Variants in ZNF319 observed in about 807,000 individuals in gnomAD.
ZNF319 encodes the protein zinc finger protein 319.
In ZNF319, 15 loss-of-function variants were observed where a neutral mutation model predicts 46.0. The ratio of observed to expected loss-of-function variants is 0.33; its 90% CI spans 0.22 to 0.50. ZNF319 has a LOEUF of 0.50. Among genes scored for constraint, ZNF319 ranks in the 20% least tolerant of loss-of-function variants. ZNF319 has a pLI of 0.98. For synonymous variants in ZNF319, 368 were observed against 364.0 expected, an observed-to-expected ratio of 1.01 and a Z score of -0.13; for missense variants, 635 against 807.0, an observed-to-expected ratio of 0.79 and a Z score of 2.58.
Position 57,996,808 on chromosome 16 carries a change from G to A in ZNF319, c.1458C>T (p.Leu486=). The A allele has an allele frequency of 6.2e-6, 10 of 1,610,314 alleles. No homozygotes were observed. The highest frequency in any genetic ancestry group is 1.3e-5 in the African/African-American group (1 of 75,042). Residue 486 remains leucine (L), a synonymous_variant, in exon 2 of 2, where the codon CTC becomes CTT. Coordinates refer to ENST00000299237, the MANE Select transcript of ZNF319 (RefSeq NM_020807.3). ...HRCDPAREKP[L]KCPDCEKRFK... is the part of the protein sequence containing the mutation. ...AGCGTTTCTCGCAGTCTGGGCACTTGAGTGGCTTCTCGCGGGCCGGATCGC... is the reference window on the plus strand; with the variant it reads ...AGCGTTTCTCGCAGTCTGGGCACTTAAGTGGCTTCTCGCGGGCCGGATCGC...
At chr16:57,999,110 G>C (rs756832682) in intron 1 of ZNF319, among the ~76,000 whole-genome samples, 12 of 152,116 alleles carry the variant, frequency 7.9e-5, no homozygotes, top group Non-Finnish European at 1.3e-4. Context: ...CTCTCTCCGC[G>C]TGACAGGATG....
chr16:57,997,108 CAG>C lies in ZNF319; in HGVS notation c.1156_1157del (p.Leu386AlafsTer23). 1 of 1,614,122 alleles carries C rather than the reference CAG, an allele frequency of 6.2e-7. No individual in the cohort carries two copies. The highest frequency in any genetic ancestry group is 8.5e-7 in the Non-Finnish European group (1 of 1,179,994). Reference sequence around the variant, plus strand: ...GGGTGTGCACGTGCTGGTGGTAGAGCAGGTGGCTGGGCTGCCCAAAGCCCTTC... The same window carrying C: ...GGGTGTGCACGTGCTGGTGGTAGAGCGTGGCTGGGCTGCCCAAAGCCCTTC... ...CEKGFGQPSH[L>X]LYHQHVHTLE... On this transcript the variant is annotated frameshift_variant, in exon 2 of 2. Transcript: ENST00000299237. LOFTEE classifies it high-confidence loss of function.
chr16:57,997,715 G>A lies in ZNF319; in HGVS notation c.551C>T (p.Pro184Leu). ...EPATTAAPSL[P>L]AAPAPSTVTP... ...GACAGTGGAAGGCGCGGGTGCTGCGGGAAGCGACGGGGCGGCTGTGGTGGC... is the reference window on the plus strand; with the variant it reads ...GACAGTGGAAGGCGCGGGTGCTGCGAGAAGCGACGGGGCGGCTGTGGTGGC... The change falls in exon 2 of 2, where the codon CCC becomes CTC. Residue 184 changes from proline to leucine, a missense_variant. By Grantham distance (98) the Pro-to-Leu change is moderately conservative (BLOSUM62 -3). Around this residue, in one of 3 missense-constraint regions of ZNF319, gnomAD observed 227 missense variants for 277.5 expected, o/e 0.82. Transcript: ENST00000299237. The A allele has an allele frequency of 6.2e-7, 1 of 1,613,728 alleles. No individual in the cohort carries two copies. The highest frequency in any genetic ancestry group is 8.5e-7 in the Non-Finnish European group (1 of 1,180,038).
At chr16:57,998,614 T>G in intron 1 of ZNF319, 92 bp from the exon 2 acceptor site, 1 of 228,280 alleles carries the variant, frequency 4.4e-6, no homozygotes, top group East Asian at 9.7e-5. Flanking sequence ...CACCACACCA[T>G]CACAAACCAC....
chr16:57,996,341 C>T lies in ZNF319; in HGVS notation c.*176G>A, dbSNP rs1963012640. ...GCACTGCCCGCTGGTGCCAGGAGTACGAGCGGCACACCCTCTCCCTGCCTC... is the reference window on the plus strand; with the variant it reads ...GCACTGCCCGCTGGTGCCAGGAGTATGAGCGGCACACCCTCTCCCTGCCTC... On this transcript the variant is annotated 3_prime_UTR_variant, in exon 2 of 2. Transcript: ENST00000299237. 1 of 1,314,654 alleles carries T rather than the reference C, an allele frequency of 7.6e-7. No homozygotes were observed. Among genetic ancestry groups the T allele is most frequent in the Non-Finnish European group, 1.0e-6 (1 of 1,001,842 alleles). The allele number at this position is 1,314,654 out of a possible 1,614,324, so 81.4% of individuals were successfully genotyped here.
In ZNF319 at chr16:57,998,224, C is replaced by A; in HGVS notation, c.42G>T (p.Gln14His). 1 of 1,531,642 alleles carries A rather than the reference C, an allele frequency of 6.5e-7. No homozygotes were observed. Among genetic ancestry groups the A allele is most frequent in the Non-Finnish European group, 8.8e-7 (1 of 1,139,144 alleles). 94.9% of individuals were successfully genotyped at this position (1,531,642 alleles called of 1,614,324 possible). Residue 14 changes from glutamine (Q) to histidine (H), a missense_variant, in exon 2 of 2, where the codon CAG (glutamine) becomes CAT (histidine). Physicochemically the swap from Gln to His is conservative, Grantham distance 24 (BLOSUM62 0). Coordinates refer to ENST00000299237, the MANE Select transcript of ZNF319 (RefSeq NM_020807.3). ...GCTGAGGCTGCGGTGGCTGTGGCTG[C>A]TGCGGCTGCGTCTGTGGCGGCTGTT... ...SWQQPPQTQP[Q>H]QPQPPQPQHH...
Position 57,997,732 on chromosome 16 carries a change from T to C in ZNF319, c.534A>G (p.Thr178=). ...KPAEAAEPAT[T]AAPSLPAAPA... ...GTGCTGCGGGAAGCGACGGGGCGGC[T>C]GTGGTGGCTGGCTCCGCTGCCTCAG... Residue 178 remains threonine (T), a synonymous_variant, in exon 2 of 2, where the codon ACA becomes ACG. Transcript: ENST00000299237. 6.2e-7 allele frequency: 1 copy of C among 1,613,570 alleles called. No homozygotes were observed. The highest frequency in any genetic ancestry group is 8.5e-7 in the Non-Finnish European group (1 of 1,180,040).
At position 57,999,239 on chromosome 16, in the gene ZNF319, T is replaced by TCACACACACACA. The variant is rs60708700; in HGVS notation, c.-258+242_-258+253dup. Among the ~76,000 whole-genome samples, 1,181 of 145,742 alleles carry TCACACACACACA rather than the reference T, an allele frequency of 8.1e-3. 20 individuals are homozygous for TCACACACACACA. Among genetic ancestry groups the TCACACACACACA allele is most frequent in the South Asian group, 0.057 (255 of 4,466 alleles). On this transcript the variant is annotated intron_variant, in intron 1 of 1. Coordinates refer to ENST00000299237, the MANE Select transcript of ZNF319 (RefSeq NM_020807.3). ...CCTCACTCTGGTTCTCTCCCAGAAC[T>TCACACACACACA]CACACACACACACACACACACACAC...
In ZNF319 at chr16:57,996,404, C is replaced by T. The variant is rs1963013795; in HGVS notation, c.*113G>A. The stretch of plus-strand genomic sequence containing the variant: ...CCTCACTCCCGAGGTCTCAGAACAC[C>T]GAGCTGGGTGGGGCCCTTGGTGCAA... On this transcript the variant is annotated 3_prime_UTR_variant, in exon 2 of 2. Transcript: ENST00000299237. 7.0e-7 allele frequency: 1 copy of T among 1,431,222 alleles called. No homozygotes were observed. Among genetic ancestry groups the T allele is most frequent in the Non-Finnish European group, 9.1e-7 (1 of 1,096,864 alleles). 88.7% of individuals were successfully genotyped at this position (1,431,222 alleles called of 1,614,324 possible). A position where few individuals can be genotyped will look rare whatever the true frequency, so the allele number is the denominator to read the frequency against.
At position 57,998,046 on chromosome 16, in the gene ZNF319, G is replaced by C. The variant is rs377717087; in HGVS notation, c.220C>G (p.Pro74Ala). 24 of 1,610,586 alleles carry C rather than the reference G, an allele frequency of 1.5e-5. No homozygotes were observed. The highest frequency in any genetic ancestry group is 2.0e-5 in the Non-Finnish European group (24 of 1,180,012). Residue 74 changes from proline (P) to alanine (A), a missense_variant, in exon 2 of 2, where the codon CCA becomes GCA. Pro to Ala is a conservative substitution (Grantham distance 27). Transcript: ENST00000299237. Reference sequence around the variant, plus strand: ...CCACACACGCCACATTTGGGGCCTGGCTCTCCTGCTGCCTGCAGGGGTGCG... The same window carrying C: ...CCACACACGCCACATTTGGGGCCTGCCTCTCCTGCTGCCTGCAGGGGTGCG... ...QHAPLQAAGE[P>A]GPKCGVCGHD...
In ZNF319 at chr16:57,997,319, C is replaced by T. The variant is rs770322324; in HGVS notation, c.947G>A (p.Arg316His). ...PCTPSGERPF[R>H]CGECQKAFKR... ...GAAGGCCTTCTGGCACTCGCCGCAG[C>T]GGAAGGGCCGCTCCCCACTTGGCGT... is the stretch of plus-strand genomic sequence containing the variant. Residue 316 changes from arginine (R) to histidine (H), a missense_variant, in exon 2 of 2, where the codon CGC becomes CAC. Physicochemically the swap from Arg to His is conservative, Grantham distance 29. Coordinates refer to ENST00000299237, the MANE Select transcript of ZNF319 (RefSeq NM_020807.3). The T allele has an allele frequency of 7.5e-6, 12 of 1,610,428 alleles. No homozygotes were observed. The highest frequency in any genetic ancestry group is 1.0e-5 in the Non-Finnish European group (12 of 1,179,694).
In ZNF319 at chr16:57,998,325, C is replaced by G. The variant is rs751180693; in HGVS notation, c.-60G>C. On this transcript the variant is annotated 5_prime_UTR_variant, in exon 2 of 2. Coordinates refer to ENST00000299237, the MANE Select transcript of ZNF319 (RefSeq NM_020807.3). ...GGCTTCAGTTTCCCGCTTCACGTGA[C>G]CCAATCCAGAGAGAGAAGCTGCCCA... is the stretch of plus-strand genomic sequence containing the variant. 5 of 1,510,172 alleles carry G rather than the reference C, an allele frequency of 3.3e-6. No individual in the cohort carries two copies. Among genetic ancestry groups the G allele is most frequent in the Non-Finnish European group, 4.4e-6 (5 of 1,128,758 alleles). 93.5% of individuals were successfully genotyped at this position (1,510,172 alleles called of 1,614,324 possible). A position where few individuals can be genotyped will look rare whatever the true frequency, so the allele number is the denominator to read the frequency against.
chr16:57,996,473 C>A lies in ZNF319; in HGVS notation c.*44G>T. 1 of 1,462,308 alleles carries A rather than the reference C, an allele frequency of 6.8e-7. No homozygotes were observed. The highest frequency in any genetic ancestry group is 1.4e-5 in the African/African-American group (1 of 70,768). The allele number at this position is 1,462,308 out of a possible 1,614,324, so 90.6% of individuals were successfully genotyped here. A position where few individuals can be genotyped will look rare whatever the true frequency, so the allele number is the denominator to read the frequency against. The stretch of plus-strand genomic sequence containing the variant: ...GGCTGCGCGAGGCCTGCTGGGCCCA[C>A]GGCGCCGACTCAGGTCAGGCTGGTA... On this transcript the variant is annotated 3_prime_UTR_variant, in exon 2 of 2. Transcript: ENST00000299237.
In ZNF319 at chr16:57,998,481, C is replaced by T. The variant is rs566965764; in HGVS notation, c.-216G>A. The T allele has an allele frequency of 3.8e-3, 2,304 of 613,636 alleles. 13 individuals are homozygous for T. The highest frequency in any genetic ancestry group is 3.9e-3 in the Non-Finnish European group (1,478 of 376,238). 38.0% of individuals were successfully genotyped at this position (613,636 alleles called of 1,614,324 possible). A position where few individuals can be genotyped will look rare whatever the true frequency, so the allele number is the denominator to read the frequency against. On this transcript the variant is annotated 5_prime_UTR_variant, in exon 2 of 2. Transcript: ENST00000299237. ...CATGGGGGCTCTTCAAGGGAGGGTC[C>T]CAGCAGTGCCGGGGAGACTCTGCCT...
Position 57,996,973 on chromosome 16 carries a change from A to G in ZNF319, c.1293T>C (p.Pro431=), listed in dbSNP as rs762506466. The stretch of plus-strand genomic sequence containing the variant: ...CGCGCTTGTAGGCCTTGTTGCACAC[A>G]GGGCACTTGAAGGGCCGCTCGGCCG... ...PGAAERPFKC[P]VCNKAYKRAS... Residue 431 remains proline, a synonymous_variant, in exon 2 of 2, where the codon CCT becomes CCC. Transcript: ENST00000299237. 3 of 1,603,936 alleles carry G rather than the reference A, an allele frequency of 1.9e-6. No individual in the cohort carries two copies. Among genetic ancestry groups the G allele is most frequent in the East Asian group, 4.5e-5 (2 of 44,820 alleles).
At position 57,999,824 on chromosome 16, in the gene ZNF319, G is replaced by A. The variant is rs1325672232; in HGVS notation, c.-589C>T. 1 of 152,594 alleles carries A rather than the reference G, an allele frequency of 6.6e-6. No homozygotes were observed. Among genetic ancestry groups the A allele is most frequent in the Non-Finnish European group, 1.5e-5 (1 of 68,326 alleles). The allele number at this position is 152,594 out of a possible 1,614,324, so 9.5% of individuals were successfully genotyped here. On this transcript the variant is annotated 5_prime_UTR_variant, in exon 1 of 2. Coordinates refer to ENST00000299237, the MANE Select transcript of ZNF319 (RefSeq NM_020807.3). ...GCCTTCTCGGGACAGAGAGGGGGAA[G>A]GTGGGCTTCTCTGAGCGCCTGTAGG...
Position 57,995,238 on chromosome 16 carries a change from T to A in ZNF319, c.*1279A>T, listed in dbSNP as rs182204869. 2.9e-4 allele frequency: 44 copies of A among 152,490 alleles called. No homozygotes were observed. Among genetic ancestry groups the A allele is most frequent in the African/African-American group, 1.1e-3 (44 of 41,586 alleles). 9.4% of individuals were successfully genotyped at this position (152,490 alleles called of 1,614,324 possible). On this transcript the variant is annotated 3_prime_UTR_variant, in exon 2 of 2. Coordinates refer to ENST00000299237, the MANE Select transcript of ZNF319 (RefSeq NM_020807.3). ...GGCCGTAGCCACCCAGCGATGTTGG[T>A]CAACTCCATCCACCAGGTCCCCCAC...
rs199895087 is a variant in ZNF319, at chr16:57,996,597, A to C, written c.1669T>G (p.Leu557Val). The C allele has an allele frequency of 6.2e-7, 1 of 1,604,690 alleles. No homozygotes were observed. Among genetic ancestry groups the C allele is most frequent in the Non-Finnish European group, 8.5e-7 (1 of 1,179,156 alleles). The change falls in exon 2 of 2, where the codon TTG (leucine) becomes GTG (valine). Residue 557 changes from leucine (L) to valine (V), a missense_variant. Coordinates refer to ENST00000299237, the MANE Select transcript of ZNF319 (RefSeq NM_020807.3). ...CTGTGCTGCGCGCTGTGCTCCTGCA[A>C]CAAGGCCACGTCTAGGAAGCGCTCC... Reference protein sequence around the residue: ...CGERFLDVALLQEHSAQHSAA... With the variant: ...CGERFLDVALVQEHSAQHSAA...
chr16:58,000,206 G>C lies in ZNF319; in HGVS notation c.-971C>G, dbSNP rs1311161676. Among the ~76,000 whole-genome samples the C allele has an allele frequency of 6.6e-6, 1 of 152,240 alleles. No individual in the cohort carries two copies. The highest frequency in any genetic ancestry group is 1.5e-5 in the Non-Finnish European group (1 of 67,958). ...GCGAGCCCCGAGGGCGGCCGGGCTG[G>C]AGAAAGGCCCCAGGGCTACAGGCCG... On this transcript the variant is annotated 5_prime_UTR_variant, in exon 1 of 2. Coordinates refer to ENST00000299237, the MANE Select transcript of ZNF319 (RefSeq NM_020807.3). This position sits in a 1 kb window ranked among gnomAD's most constrained non-coding sequence, Gnocchi z 4.5.
Sources: allele counts gnomAD v4.1 joint callset (sites outside exome capture counted in the v4.1 genomes callset), GRCh38; gene constraint gnomAD v4.1.1; regional missense constraint gnomAD v4.1.1; non-coding constraint Gnocchi (gnomAD v3.1); transcripts MANE v1.5; gene names NCBI Gene and HGNC (gene_info 2026-07-23, HGNC 2026-07-21).